Variants in THSD7B observed in about 807,000 individuals in gnomAD.
THSD7B encodes the protein thrombospondin type-1 domain-containing protein 7B.
In THSD7B, 138 loss-of-function variants were observed where a neutral mutation model predicts 213.6. The ratio of observed to expected loss-of-function variants is 0.65; its 90% CI spans 0.56 to 0.74. The LOEUF is 0.74. Among genes scored for constraint, THSD7B ranks in the 30% least tolerant of loss-of-function variants. THSD7B has a pLI of 0.00. For missense variants in THSD7B, 1,931 were observed against 1,991.5 expected, an observed-to-expected ratio of 0.97 and a Z score of 0.58; for synonymous variants, 742 against 687.0, an observed-to-expected ratio of 1.08 and a Z score of -1.25.
intron 2 of THSD7B, among the ~76,000 whole-genome samples, chr2:137,034,729 G>C (rs1379905816): frequency 6.6e-6 from 1 of 152,046 alleles, no homozygotes; most frequent in African/African-American, 2.4e-5. Context: ...TGAGGATAAT[G>C]GTTTCCAGCT....
rs541355473 is a variant in THSD7B, at chr2:137,350,312, G to A, written c.2501-55301G>A. On this transcript the variant is annotated intron_variant, in intron 12 of 27. Coordinates refer to ENST00000409968, the MANE Select transcript of THSD7B (RefSeq NM_001316349.2). ...ATTAATAATTGAGCCAAGACTGGATGAAGGGAATTAGATTGGTCAGGAAGA... is the reference window on the plus strand; with the variant it reads ...ATTAATAATTGAGCCAAGACTGGATAAAGGGAATTAGATTGGTCAGGAAGA... Among the ~76,000 whole-genome samples the A allele has an allele frequency of 3.9e-4, 59 of 152,008 alleles. 2 individuals are homozygous for A. Among genetic ancestry groups the A allele is most frequent in the Middle Eastern group, 3.4e-3 (1 of 294 alleles).
chr2:137,275,753 G>A (rs1338917747), intron 11 of THSD7B, among the ~76,000 whole-genome samples, 170 bp from the exon 12 acceptor site: 1 of 152,008 alleles, frequency 6.6e-6, no homozygotes, highest in African/African-American at 2.4e-5. Context: ...GGGTAGAGTG[G>A]ACTATTGTCA....
intron 1 of THSD7B, among the ~76,000 whole-genome samples, chr2:136,808,470 G>A (rs946224744): frequency 6.6e-6 from 1 of 152,140 alleles, no homozygotes; most frequent in Non-Finnish European, 1.5e-5. Flanking sequence ...TTTATTGAAG[G>A]TTTATGTCCA....
At chr2:136,787,267 TA>T (rs1187951611) in intron 1 of THSD7B, among the ~76,000 whole-genome samples, 1 of 152,094 alleles carries the variant, frequency 6.6e-6, no homozygotes, top group Non-Finnish European at 1.5e-5. Flanking sequence ...TCAGTTGGAA[TA>T]TTTTTTTCTT....
intron 12 of THSD7B, among the ~76,000 whole-genome samples, chr2:137,338,118 A>G (rs1684679300): frequency 6.6e-6 from 1 of 152,050 alleles, no homozygotes; most frequent in African/African-American, 2.4e-5. Flanking sequence ...GACTGTGCTA[A>G]AGGTTTCTTT....
chr2:137,023,345 T>G (rs988658711), intron 2 of THSD7B, among the ~76,000 whole-genome samples: 2 of 151,428 alleles, frequency 1.3e-5, no homozygotes, highest in Non-Finnish European at 2.9e-5. Context: ...CCGGGGGAGG[T>G]GTCTGGTAGC....
chr2:137,560,645 G>T (rs1415883461), intron 15 of THSD7B, among the ~76,000 whole-genome samples: 5 of 152,022 alleles, frequency 3.3e-5, no homozygotes, highest in African/African-American at 1.2e-4. Context: ...ACACCAACAT[G>T]GCACATGTAT....
chr2:137,099,516 C>T (rs1237401047), intron 4 of THSD7B, among the ~76,000 whole-genome samples: 1 of 152,156 alleles, frequency 6.6e-6, no homozygotes, highest in Admixed American at 6.5e-5. Context: ...TAGAGAGGCC[C>T]ATTCTGGTGA....
intron 21 of THSD7B, among the ~76,000 whole-genome samples, chr2:137,652,952 G>A (rs184631493): frequency 1.3e-4 from 20 of 152,122 alleles, no homozygotes; most frequent in Non-Finnish European, 2.2e-4. Context: ...ATGCTTATTT[G>A]GGGCTTCAAA....
At position 137,121,840 on chromosome 2, in the gene THSD7B, T is replaced by A. The variant is rs1573836275; in HGVS notation, c.1369+6547T>A. Among the ~76,000 whole-genome samples, 4 of 152,332 alleles carry A rather than the reference T, an allele frequency of 2.6e-5. 1 individual carries two copies. The South Asian group carries it at 8.3e-4, about 32-fold the overall frequency. ...ATATATTGAGTTTGATTGAATTCTCTTTGTTTTTTAGATAGCACAGAGAAA... is the reference window on the plus strand; with the variant it reads ...ATATATTGAGTTTGATTGAATTCTCATTGTTTTTTAGATAGCACAGAGAAA... On this transcript the variant is annotated intron_variant, in intron 5 of 27. Coordinates refer to ENST00000409968, the MANE Select transcript of THSD7B (RefSeq NM_001316349.2).
chr2:137,103,842 T>C (rs1216624806), intron 4 of THSD7B, among the ~76,000 whole-genome samples: 1 of 152,138 alleles, frequency 6.6e-6, no homozygotes, highest in Non-Finnish European at 1.5e-5. Context: ...CTAACTGTTG[T>C]AAATATATAT....
intron 5 of THSD7B, among the ~76,000 whole-genome samples, chr2:137,120,711 C>G (rs1458282499): frequency 6.6e-6 from 1 of 152,180 alleles, no homozygotes; most frequent in African/African-American, 2.4e-5. Context: ...CACAGATGCT[C>G]CAGATCTCTA....
intron 12 of THSD7B, among the ~76,000 whole-genome samples, chr2:137,296,539 A>T (rs1386788706): frequency 6.6e-6 from 1 of 152,120 alleles, no homozygotes; most frequent in Non-Finnish European, 1.5e-5. Context: ...CAATGTACTT[A>T]CCATGGACTA....
At chr2:137,404,605 A>G (rs1423429408) in intron 12 of THSD7B, among the ~76,000 whole-genome samples, 2 of 149,754 alleles carry the variant, frequency 1.3e-5, no homozygotes, top group Non-Finnish European at 3.0e-5. Context: ...ACACACACAT[A>G]CTATATATGA....
rs1377058773 is a variant in THSD7B, at chr2:137,279,876, T to C, written c.2500+3850T>C. 2.6e-5 allele frequency among the ~76,000 whole-genome samples: 4 copies of C among 152,330 alleles called. No homozygotes were observed. The South Asian group carries it at 8.3e-4, about 32-fold the overall frequency. On this transcript the variant is annotated intron_variant, in intron 12 of 27. Transcript: ENST00000409968. ...TTTGTAGATGTAATTAATTTAAGGA[T>C]TTAAAGCCTTTATCAATTTGGAAAA...
chr2:137,045,142 C>A (rs557795622), intron 2 of THSD7B, among the ~76,000 whole-genome samples: 29 of 152,202 alleles, frequency 1.9e-4, no homozygotes, highest in African/African-American at 7.0e-4. Context: ...GTAGAAGATT[C>A]ATTCAGATGG....
chr2:137,620,179 T>C (rs1341365504), intron 19 of THSD7B, among the ~76,000 whole-genome samples: 1 of 152,224 alleles, frequency 6.6e-6, no homozygotes, highest in Admixed American at 6.5e-5. Flanking sequence ...GATGGGTTGC[T>C]GATTGTATTT....
intron 7 of THSD7B, among the ~76,000 whole-genome samples, chr2:137,190,989 G>C (rs1243436416): frequency 1.3e-5 from 2 of 152,158 alleles, no homozygotes; most frequent in Non-Finnish European, 2.9e-5. Flanking sequence ...CAATTTCACA[G>C]CCACACTCCT....
intron 1 of THSD7B, among the ~76,000 whole-genome samples, chr2:136,864,674 C>T (rs1211052172): frequency 5.3e-5 from 8 of 152,068 alleles, no homozygotes; most frequent in South Asian, 2.1e-4. Flanking sequence ...TGCTTCAGCC[C>T]CCCGAGTAGC....
Sources: allele counts gnomAD v4.1 joint callset (sites outside exome capture counted in the v4.1 genomes callset), GRCh38; gene constraint gnomAD v4.1.1; transcripts MANE v1.5; gene names NCBI Gene and HGNC (gene_info 2026-07-23, HGNC 2026-07-21).